CAST: variants seen among roughly 807,000 people sequenced by gnomAD.
CAST encodes MIR583 host.
CAST carries 76 observed loss-of-function variants against 119.6 expected under a neutral mutation model. The ratio of observed to expected loss-of-function variants is 0.64; its 90% CI spans 0.53 to 0.77. The LOEUF is 0.77. Among genes scored for constraint, CAST ranks in the 30% least tolerant of loss-of-function variants. CAST has a pLI of 0.00. For missense variants in CAST, 953 were observed against 946.5 expected (o/e 1.01, Z -0.09); for synonymous variants, 319 against 331.6 (o/e 0.96, Z 0.41).
intron 9 of CAST, among the ~76,000 whole-genome samples, chr5:96,735,603 G>C (rs936262708): frequency 3.9e-5 from 6 of 152,226 alleles, no homozygotes; most frequent in African/African-American, 1.2e-4. Context: ...GCAATGGGGA[G>C]GGAGAGATGC....
chr5:96,601,840 T>A (rs1251984296), intron 1 of CAST, among the ~76,000 whole-genome samples: 16 of 152,242 alleles, frequency 1.1e-4, no homozygotes, highest in Admixed American at 1.0e-3. Flanking sequence ...GCAGGGAAAG[T>A]TATCCGGCAT....
At chr5:96,559,038 C>A (rs1031111717) in intron 1 of CAST, among the ~76,000 whole-genome samples, 1 of 152,142 alleles carries the variant, frequency 6.6e-6, no homozygotes, top group Non-Finnish European at 1.5e-5. Context: ...CCCTGGGATG[C>A]AAGGCTGGTT....
the CAST span, among the ~76,000 whole-genome samples, chr5:95,992,335 C>T: frequency 6.6e-6 from 1 of 151,770 alleles, no homozygotes; most frequent in South Asian, 2.1e-4. Flanking sequence ...TTGACTTTAA[C>T]ATTATCAGTG....
the CAST span, chr5:96,111,071 T>A: frequency 6.6e-6 from 1 of 152,160 alleles, no homozygotes; most frequent in East Asian, 1.9e-4. Context: ...CTGATGCCAA[T>A]CACAAGTAGT....
the CAST span, among the ~76,000 whole-genome samples, chr5:96,364,986 C>CTGCTTTAAGTG: frequency 4.4e-4 from 67 of 152,362 alleles, no homozygotes; most frequent in African/African-American, 1.5e-3. Context: ...CCTCTACACA[C>CTGCTTTAAGTG]TGCTTTAAGT....
At chr5:96,679,706 C>T (rs1425156045) in intron 2 of CAST, 1 of 152,086 alleles carries the variant, frequency 6.6e-6, no homozygotes, top group Non-Finnish European at 1.5e-5. Context: ...TTACATTTTC[C>T]TTACTCTAAT....
rs1340202354 is a variant in CAST, at chr5:96,536,018, T to A, written c.60+6138T>A. ...TAACTATATGTTAAATAACCATATG[T>A]TAAATATTTAAGGTTTTTTTTTTTT... On this transcript the variant is annotated intron_variant, in intron 1 of 11. Transcript: ENST00000505143. Among the ~76,000 whole-genome samples, 3 of 148,054 alleles carry A rather than the reference T, an allele frequency of 2.0e-5. No individual in the cohort carries two copies. In the East Asian group the frequency reaches 5.9e-4, roughly 29 times the overall value.
At chr5:96,458,880 TG>T in the CAST span, among the ~76,000 whole-genome samples, 1 of 152,264 alleles carries the variant, frequency 6.6e-6, no homozygotes, top group Middle Eastern at 3.4e-3. Context: ...CTCCTAAAAT[TG>T]CCCATAACGT....
chr5:96,367,463 G>A, the CAST span, among the ~76,000 whole-genome samples: 23 of 151,176 alleles, frequency 1.5e-4, no homozygotes, highest in South Asian at 6.7e-4. Flanking sequence ...GAGCTGCAGC[G>A]GGTTCCACCC....
At chr5:96,403,587 C>T in the CAST span, among the ~76,000 whole-genome samples, 7 of 152,162 alleles carry the variant, frequency 4.6e-5, no homozygotes, top group African/African-American at 1.4e-4. Flanking sequence ...AATTTTTAAA[C>T]ACTGCATTGA....
At chr5:96,484,072 C>T in the CAST span, among the ~76,000 whole-genome samples, 1 of 152,120 alleles carries the variant, frequency 6.6e-6, no homozygotes. Context: ...TAGGACAGCA[C>T]CTGCATAGCC....
the CAST span, among the ~76,000 whole-genome samples, chr5:96,187,287 A>T: frequency 0.022 from 3,316 of 150,524 alleles, 110 homozygotes; most frequent in African/African-American, 0.076. Flanking sequence ...TAATTTTTTT[A>T]AAAAAAACAG....
chr5:96,757,254 T>A (rs1766509733), intron 22 of CAST, among the ~76,000 whole-genome samples, 190 bp from the exon 23 acceptor site: 1 of 152,220 alleles, frequency 6.6e-6, no homozygotes, highest in African/African-American at 2.4e-5. Flanking sequence ...CTGGTGCTTG[T>A]GAGCTGTTTG....
chr5:96,698,355 G>A (rs1474159199), intron 3 of CAST, among the ~76,000 whole-genome samples: 2 of 152,172 alleles, frequency 1.3e-5, no homozygotes, highest in Non-Finnish European at 2.9e-5. Context: ...TATTGCTTTA[G>A]TATTTAACAG....
chr5:96,039,614 A>G, the CAST span, among the ~76,000 whole-genome samples: 22 of 152,284 alleles, frequency 1.4e-4, no homozygotes, highest in Middle Eastern at 3.4e-3. Context: ...TCCCAACACC[A>G]TTTATTAAAC....
chr5:96,084,337 A>G, the CAST span, among the ~76,000 whole-genome samples: 1 of 152,134 alleles, frequency 6.6e-6, no homozygotes, highest in Admixed American at 6.5e-5. Context: ...TGAATGTGGT[A>G]AACTGGGTAA....
intron 1 of CAST, among the ~76,000 whole-genome samples, chr5:96,640,489 A>G (rs1161976854): frequency 6.6e-6 from 1 of 152,200 alleles, no homozygotes; most frequent in African/African-American, 2.4e-5. Context: ...CCTACAAAAT[A>G]TCATCAGGCC....
chr5:96,688,279 A>G (rs1157751776), intron 2 of CAST, among the ~76,000 whole-genome samples: 1 of 152,240 alleles, frequency 6.6e-6, no homozygotes, highest in Non-Finnish European at 1.5e-5. Flanking sequence ...TGTTAGAAAT[A>G]TGATTAAACT....
At chr5:96,218,968 CA>C in the CAST span, among the ~76,000 whole-genome samples, 1 of 152,106 alleles carries the variant, frequency 6.6e-6, no homozygotes, top group East Asian at 1.9e-4. Context: ...TCAGTTTCTT[CA>C]GGTGAAAAGT....
Sources: gnomAD v4.1 joint callset for allele counts (sites outside exome capture counted in the v4.1 genomes callset) on GRCh38, gnomAD v4.1.1 for gene constraint, MANE v1.5 for transcripts, NCBI Gene and HGNC (gene_info 2026-07-23, HGNC 2026-07-21) for gene names.